INTS4: variants seen among roughly 807,000 people sequenced by gnomAD.
The protein encoded by INTS4 is MSTP093.
Under a neutral mutation model 119.5 loss-of-function variants are expected in INTS4, and 70 were observed. That is an observed-to-expected ratio of 0.59 (90% CI 0.48 to 0.71). The LOEUF is 0.71. Among genes scored for constraint, INTS4 ranks in the 30% least tolerant of loss-of-function variants. INTS4 has a pLI of 0.00. For synonymous variants in INTS4, 316 were observed against 419.6 expected, an observed-to-expected ratio of 0.75 and a Z score of 3.02; for missense variants, 867 against 1,173.2, an observed-to-expected ratio of 0.74 and a Z score of 3.81.
intron 10 of INTS4, among the ~76,000 whole-genome samples, chr11:77,934,936 G>A (rs1054369194): frequency 3.3e-5 from 5 of 152,154 alleles, no homozygotes; most frequent in Non-Finnish European, 7.4e-5. Context: ...GTTCTATCCT[G>A]AGGTATGATT....
At chr11:77,955,320 G>A (rs1954291525) in intron 8 of INTS4, among the ~76,000 whole-genome samples, 10 of 152,156 alleles carry the variant, frequency 6.6e-5, no homozygotes. Context: ...CTGAGCAACA[G>A]AGGAAGACCC....
At chr11:77,992,280 C>T (rs1050456449) in intron 1 of INTS4, among the ~76,000 whole-genome samples, 2 of 151,674 alleles carry the variant, frequency 1.3e-5, no homozygotes, top group Admixed American at 6.6e-5. Context: ...TGCCTGCAGT[C>T]CCAGCTATGC....
intron 21 of INTS4, among the ~76,000 whole-genome samples, chr11:77,885,286 A>G (rs1211604319): frequency 6.6e-6 from 1 of 151,888 alleles, no homozygotes; most frequent in Non-Finnish European, 1.5e-5. Flanking sequence ...CATGTTGGCC[A>G]GGTTGGTCTC....
At chr11:77,892,599 T>C (rs978746226) in intron 19 of INTS4, among the ~76,000 whole-genome samples, 1 of 152,202 alleles carries the variant, frequency 6.6e-6, no homozygotes, top group African/African-American at 2.4e-5. Flanking sequence ...AATTTTCTTT[T>C]TGAGAAGGAG....
intron 17 of INTS4, among the ~76,000 whole-genome samples, chr11:77,901,869 G>A (rs1335644974): frequency 3.3e-5 from 5 of 151,840 alleles, no homozygotes; most frequent in African/African-American, 1.2e-4. Context: ...CCACTCTGCT[G>A]TGGGAACAAA....
intron 10 of INTS4, among the ~76,000 whole-genome samples, chr11:77,933,127 C>A (rs1953696416): frequency 6.6e-6 from 1 of 152,070 alleles, no homozygotes; most frequent in Non-Finnish European, 1.5e-5. Flanking sequence ...TTTAAAAAAT[C>A]TTAATGGCAA....
chr11:77,964,267 C>G (rs1439651270), intron 4 of INTS4, among the ~76,000 whole-genome samples: 1 of 152,060 alleles, frequency 6.6e-6, no homozygotes, highest in Non-Finnish European at 1.5e-5. Flanking sequence ...AGAGTAACAT[C>G]CTGTATTTAA....
In INTS4 at chr11:77,921,398, G is replaced by C; in HGVS notation, c.1706C>G (p.Thr569Ser). 6.2e-7 allele frequency: 1 copy of C among 1,612,966 alleles called. No homozygotes were observed. Among genetic ancestry groups the C allele is most frequent in the Non-Finnish European group, 8.5e-7 (1 of 1,178,962 alleles). ...TCGGAGGTAGGCATAGTGCCTGAAGGTGTGATCTGAGAACAATGCTGGCAT... is the reference window on the plus strand; with the variant it reads ...TCGGAGGTAGGCATAGTGCCTGAAGCTGTGATCTGAGAACAATGCTGGCAT... Reference protein sequence around the residue: ...PTMPALFSDHTFRHYAYLRDS... With the variant: ...PTMPALFSDHSFRHYAYLRDS... Residue 569 changes from threonine (T) to serine (S), a missense_variant, in exon 14 of 23, where the codon ACC becomes AGC. Thr to Ser is a moderately conservative substitution (Grantham distance 58, BLOSUM62 1). Transcript: ENST00000534064.
chr11:77,885,522 G>T (rs941973392), intron 21 of INTS4, among the ~76,000 whole-genome samples: 1 of 151,656 alleles, frequency 6.6e-6, no homozygotes, highest in Non-Finnish European at 1.5e-5. Context: ...TTTTTTTTTA[G>T]AAAATGAAGG....
intron 4 of INTS4, among the ~76,000 whole-genome samples, chr11:77,974,460 CT>C (rs1030705472): frequency 6.6e-6 from 1 of 151,914 alleles, no homozygotes; most frequent in African/African-American, 2.4e-5. Context: ...TCAGGCTGGT[CT>C]TGAACTCCTG....
chr11:77,979,751 G>A (rs144778171), intron 3 of INTS4, among the ~76,000 whole-genome samples: 4,024 of 150,854 alleles, frequency 0.027, 165 homozygotes, highest in African/African-American at 0.093. Flanking sequence ...AGGCTGAGGC[G>A]GGCAGATCAT....
chr11:77,902,188 A>T (rs1221668493), intron 17 of INTS4, among the ~76,000 whole-genome samples: 1 of 152,190 alleles, frequency 6.6e-6, no homozygotes, highest in Non-Finnish European at 1.5e-5. Context: ...AATTGGCAAT[A>T]AGACAAGTTA....
At chr11:77,968,317 A>G (rs1363114738) in intron 4 of INTS4, among the ~76,000 whole-genome samples, 1 of 152,226 alleles carries the variant, frequency 6.6e-6, no homozygotes, top group East Asian at 1.9e-4. Context: ...AGCTGTAAAA[A>G]GGAAGAAAAT....
intron 17 of INTS4, 131 bp downstream of exon 17, chr11:77,903,409 G>C: frequency 6.2e-7 from 1 of 1,605,394 alleles, no homozygotes; most frequent in Non-Finnish European, 8.5e-7. Flanking sequence ...AATACAAAGG[G>C]GCAGCTACAT....
At chr11:77,924,590 T>G in intron 12 of INTS4, 160 bp downstream of exon 12, 1 of 596,352 alleles carries the variant, frequency 1.7e-6, no homozygotes, top group South Asian at 2.5e-5. Flanking sequence ...AGCTTAGGAA[T>G]CAGATTCCTG....
intron 2 of INTS4, among the ~76,000 whole-genome samples, chr11:77,985,248 CA>C (rs1385137164): frequency 6.6e-6 from 1 of 152,130 alleles, no homozygotes; most frequent in Admixed American, 6.6e-5. Context: ...ATTTCTAAAA[CA>C]AAAACTGACA....
chr11:77,906,759 ACTCCC>A (rs1485256904), intron 16 of INTS4, among the ~76,000 whole-genome samples: 1 of 152,150 alleles, frequency 6.6e-6, no homozygotes, highest in Non-Finnish European at 1.5e-5. Context: ...ATAACTTTTG[ACTCCC>A]TGATTTACTC....
rs527761040 is a variant in INTS4 at position 77,947,113 on chromosome 11, A to C, written c.919-5862T>G. ...TTTCGAAATAACCCATTAAGAGGAAAAAAAAAAAACAAGTAAGAATAAAAA... is the reference window on the plus strand; with the variant it reads ...TTTCGAAATAACCCATTAAGAGGAACAAAAAAAAACAAGTAAGAATAAAAA... On this transcript the variant is annotated intron_variant, in intron 8 of 22. Transcript: ENST00000534064. 2.0e-5 allele frequency among the ~76,000 whole-genome samples: 3 copies of C among 151,474 alleles called. No homozygotes were observed. In the South Asian group the frequency reaches 6.2e-4, roughly 31 times the overall value.
rs1187542068 is a variant in INTS4 at position 77,901,519 on chromosome 11, C to G, written c.2130G>C (p.Met710Ile). The G allele has an allele frequency of 6.2e-7, 1 of 1,611,000 alleles. No homozygotes were observed. The highest frequency in any genetic ancestry group is 8.5e-7 in the Non-Finnish European group (1 of 1,177,282). The change falls in exon 18 of 23, where the codon ATG (methionine) becomes ATC (isoleucine). Residue 710 changes from methionine (M) to isoleucine (I), a missense_variant. Met to Ile is a conservative substitution (Grantham distance 10). This residue lies in a region of INTS4 where 262 missense variants were observed against 376.0 expected (regional missense o/e 0.70). Transcript: ENST00000534064. Reference protein sequence around the residue: ...IMEETYKMEFMYSGVENKQVV... With the variant: ...IMEETYKMEFIYSGVENKQVV... ...CCTGCTTATTCTCCACACCACTGTA[C>G]ATGAATTCCATTTTGTAGGTCTCTT...
Sources: allele counts gnomAD v4.1 joint callset (sites outside exome capture counted in the v4.1 genomes callset), GRCh38; gene constraint gnomAD v4.1.1; regional missense constraint gnomAD v4.1.1; transcripts MANE v1.5; gene names NCBI Gene and HGNC (gene_info 2026-07-23, HGNC 2026-07-21).